Variants in ZC3H18 observed in about 807,000 individuals in gnomAD.
ZC3H18 encodes zinc finger CCCH-type containing 18.
ZC3H18 carries 8 observed loss-of-function variants against 106.1 expected under a neutral mutation model. That is an observed-to-expected ratio of 0.08 (90% CI 0.04 to 0.14). The LOEUF is 0.14. Among genes scored for constraint, ZC3H18 ranks in the 10% least tolerant of loss-of-function variants. ZC3H18 has a pLI of 1.00. For synonymous variants in ZC3H18, 635 were observed against 522.1 expected (o/e 1.22, Z -2.95); for missense variants, 1,318 against 1,278.4 (o/e 1.03, Z -0.47).
Position 88,577,771 on chromosome 16 carries a change from G to A in ZC3H18, c.603+45G>A, listed in dbSNP as rs749099142. On this transcript the variant is annotated intron_variant, in intron 2 of 17. Transcript: ENST00000301011. Reference sequence around the variant, plus strand: ...GCGTCGCGGGGCATCCTGCCCAGCAGCCTGACATAGACTGGTGCTGGAAAG... The same window carrying A: ...GCGTCGCGGGGCATCCTGCCCAGCAACCTGACATAGACTGGTGCTGGAAAG... The A allele has an allele frequency of 4.3e-6, 7 of 1,611,594 alleles. No individual in the cohort carries two copies. The South Asian group carries it at 7.7e-5, about 18-fold the overall frequency.
chr16:88,577,800 G>T (rs1914858775), intron 2 of ZC3H18, 74 bp downstream of exon 2: 2 of 1,607,438 alleles, frequency 1.2e-6, no homozygotes, highest in African/African-American at 1.3e-5. Context: ...TGGAAAGGAG[G>T]GACTCTGTGT....
chr16:88,590,757 A>C (rs1161858819), intron 3 of ZC3H18, among the ~76,000 whole-genome samples: 1 of 151,256 alleles, frequency 6.6e-6, no homozygotes, highest in Non-Finnish European at 1.5e-5. Flanking sequence ...ATGGGGTTTC[A>C]TCATGTTGGC....
At chr16:88,623,512 C>T in intron 10 of ZC3H18, 168 bp downstream of exon 10, 1 of 902,412 alleles carries the variant, frequency 1.1e-6, no homozygotes, top group East Asian at 2.7e-5. Flanking sequence ...CCACCAAACA[C>T]CAGCCTTGCG....
chr16:88,598,283 C>A lies in ZC3H18; in HGVS notation c.794C>A (p.Ala265Asp), dbSNP rs1904554026. 1.2e-6 allele frequency: 2 copies of A among 1,610,722 alleles called. No individual in the cohort carries two copies. Among genetic ancestry groups the A allele is most frequent in the Non-Finnish European group, 1.7e-6 (2 of 1,179,052 alleles). Reference protein sequence around the residue: ...TKADPFPPNGAPPLGPHPLMP... With the variant: ...TKADPFPPNGDPPLGPHPLMP... ...GCCGACCCCTTCCCGCCTAATGGTG[C>A]CCCGCCTCTCGGACCTCACCCGCTG... The change falls in exon 4 of 18, where the codon GCC becomes GAC. Residue 265 changes from alanine (A) to aspartate (D), a missense_variant. By Grantham distance (126) the Ala-to-Asp change is moderately radical. This residue lies in a region of ZC3H18 where 78 missense variants were observed against 67.3 expected (regional missense o/e 1.16). Coordinates refer to ENST00000301011, the MANE Select transcript of ZC3H18 (RefSeq NM_144604.4).
chr16:88,572,222 G>A (rs1331186112), intron 1 of ZC3H18, among the ~76,000 whole-genome samples: 1 of 152,242 alleles, frequency 6.6e-6, no homozygotes, highest in African/African-American at 2.4e-5. Context: ...GTCCCCAAAC[G>A]CTCTGCATTT....
At position 88,602,988 on chromosome 16, in the gene ZC3H18, G is replaced by A. The variant is rs541800028; in HGVS notation, c.1088+3040G>A. 1.1e-4 allele frequency among the ~76,000 whole-genome samples: 16 copies of A among 150,524 alleles called. No individual in the cohort carries two copies. In the East Asian group the frequency reaches 2.7e-3, roughly 26 times the overall value. ...TCCTTCTTTTTTTTTTTTTTGAGAC[G>A]GAGTCTCGCTCTGTCACCCAGGCTG... On this transcript the variant is annotated intron_variant, in intron 6 of 17. Coordinates refer to ENST00000301011, the MANE Select transcript of ZC3H18 (RefSeq NM_144604.4).
At chr16:88,580,992 A>G (rs1248040034) in intron 2 of ZC3H18, among the ~76,000 whole-genome samples, 1 of 152,178 alleles carries the variant, frequency 6.6e-6, no homozygotes, top group Non-Finnish European at 1.5e-5. Context: ...TTACCGGCCC[A>G]GTCAGGAGAG....
rs373810190 is a variant in ZC3H18 at position 88,631,313 on chromosome 16, C to T, written c.*14C>T. The T allele has an allele frequency of 3.9e-5, 61 of 1,559,748 alleles. No individual in the cohort carries two copies. Among genetic ancestry groups the T allele is most frequent in the Non-Finnish European group, 4.3e-5 (50 of 1,151,626 alleles). ...GGGAAAGCATAGGCCGTGCCCCGAC[C>T]GGACTGGACGCATTTTTATACATAG... On this transcript the variant is annotated 3_prime_UTR_variant, in exon 18 of 18. Coordinates refer to ENST00000301011, the MANE Select transcript of ZC3H18 (RefSeq NM_144604.4).
In ZC3H18 at chr16:88,627,806, TG is replaced by T. The variant is rs947502627; in HGVS notation, c.2269+28del. 12 of 1,609,722 alleles carry T rather than the reference TG, an allele frequency of 7.5e-6. No individual in the cohort carries two copies. The Admixed American group carries it at 1.2e-4, about 16-fold the overall frequency. On this transcript the variant is annotated intron_variant, in intron 14 of 17. Coordinates refer to ENST00000301011, the MANE Select transcript of ZC3H18 (RefSeq NM_144604.4). The surrounding 1 kb of genome is among the most constrained non-coding windows in gnomAD (Gnocchi z 4.5). The stretch of plus-strand genomic sequence containing the variant: ...AGGTACTCAGGAGCCCTGGTACCTT[TG>T]GGGAGCAGCTCCCGGGGGAGGAGGG...
intron 13 of ZC3H18, 155 bp downstream of exon 13, chr16:88,625,422 C>T (rs1414041975): frequency 1.3e-5 from 11 of 865,112 alleles, no homozygotes; most frequent in Non-Finnish European, 2.0e-5. Flanking sequence ...GCGGTTGAAG[C>T]TTTGACACAG....
chr16:88,614,349 C>T (rs991117427), intron 8 of ZC3H18, among the ~76,000 whole-genome samples: 9 of 152,230 alleles, frequency 5.9e-5, no homozygotes, highest in African/African-American at 2.2e-4. Context: ...CAAAAACAAG[C>T]CCCTTGTCCT....
intron 2 of ZC3H18, 73 bp from the exon 3 acceptor site, chr16:88,586,527 C>A: frequency 7.9e-7 from 1 of 1,260,298 alleles, no homozygotes; most frequent in Non-Finnish European, 1.2e-6. Flanking sequence ...GCTTCCTGCC[C>A]CTTCTGGTTT....
At chr16:88,576,994 A>G (rs1054278341) in intron 1 of ZC3H18, 116 bp from the exon 2 acceptor site, 16 of 1,046,740 alleles carry the variant, frequency 1.5e-5, no homozygotes, top group African/African-American at 3.2e-5. Flanking sequence ...GATTTGGGGC[A>G]GGGCCGTGTG....
chr16:88,598,539 A>T lies in ZC3H18; in HGVS notation c.838-81A>T. On this transcript the variant is annotated intron_variant, in intron 4 of 17. Transcript: ENST00000301011. ...GCCACACACGGCCGGCTTGTGTTGT[A>T]GTTGATGTTTTTACTGTCTGGTTTC... 3 of 1,475,832 alleles carry T rather than the reference A, an allele frequency of 2.0e-6. No homozygotes were observed. The Admixed American group carries it at 5.8e-5, about 28-fold the overall frequency. 91.4% of individuals were successfully genotyped at this position (1,475,832 alleles called of 1,614,324 possible).
rs376024897 is a variant in ZC3H18 at position 88,577,421 on chromosome 16, G to C, written c.298G>C (p.Glu100Gln). ...CCCGACCAGCTCCCCCTGCGAGGAGGAGGGGGACGAAGGGGAGGAAGACCG... is the reference window on the plus strand; with the variant it reads ...CCCGACCAGCTCCCCCTGCGAGGAGCAGGGGGACGAAGGGGAGGAAGACCG... ...RGPTSSPCEEEGDEGEEDRTS... is the reference protein window; with the variant it reads ...RGPTSSPCEEQGDEGEEDRTS... The change falls in exon 2 of 18, where the codon GAG becomes CAG. Residue 100 changes from glutamate to glutamine, a missense_variant. By Grantham distance (29) the Glu-to-Gln change is conservative. Coordinates refer to ENST00000301011, the MANE Select transcript of ZC3H18 (RefSeq NM_144604.4). 379 of 1,605,770 alleles carry C rather than the reference G, an allele frequency of 2.4e-4. 5 individuals are homozygous for C. In the South Asian group the frequency reaches 4.0e-3, roughly 17 times the overall value.
chr16:88,598,009 T>C (rs1391929283), intron 3 of ZC3H18, among the ~76,000 whole-genome samples, 169 bp from the exon 4 acceptor site: 1 of 152,196 alleles, frequency 6.6e-6, no homozygotes, highest in African/African-American at 2.4e-5. Flanking sequence ...TGGCTCAGCC[T>C]CTCCAGGCTC....
chr16:88,601,639 A>T (rs1904755191), intron 6 of ZC3H18, among the ~76,000 whole-genome samples: 1 of 152,140 alleles, frequency 6.6e-6, no homozygotes, highest in Admixed American at 6.5e-5. Context: ...AGGAGCCGGT[A>T]TCTACACTGC....
rs191092845 is a variant in ZC3H18 at position 88,588,802 on chromosome 16, C to T, written c.688+2118C>T. On this transcript the variant is annotated intron_variant, in intron 3 of 17. Transcript: ENST00000301011. ...GGTGGGGGCTGACAGGGGCAGATCA[C>T]TTGAGCCTGGGAAGTTGAGGCTGCA... Among the ~76,000 whole-genome samples, 14 of 151,936 alleles carry T rather than the reference C, an allele frequency of 9.2e-5. No individual in the cohort carries two copies. The East Asian group carries it at 1.4e-3, about 15-fold the overall frequency.
At chr16:88,607,830 G>A (rs940900395) in intron 6 of ZC3H18, among the ~76,000 whole-genome samples, 7 of 138,762 alleles carry the variant, frequency 5.0e-5, no homozygotes, top group East Asian at 2.1e-4. Context: ...ATTTATTCAC[G>A]CACGCTTCAT....
Sources: gnomAD v4.1 joint callset for allele counts (sites outside exome capture counted in the v4.1 genomes callset) on GRCh38, gnomAD v4.1.1 for gene constraint, gnomAD v4.1.1 regional missense constraint, Gnocchi (gnomAD v3.1) non-coding constraint, MANE v1.5 for transcripts, NCBI Gene and HGNC (gene_info 2026-07-23, HGNC 2026-07-21) for gene names.